The following SMARCD1 variants were observed in gnomAD, a reference collection of about 807,000 sequenced individuals.
SMARCD1 encodes SWI/SNF related BAF chromatin remodeling complex subunit D1.
In SMARCD1, 16 loss-of-function variants were observed where a neutral mutation model predicts 70.8. The ratio of observed to expected loss-of-function variants is 0.23; its 90% CI spans 0.15 to 0.34. The LOEUF (loss-of-function observed/expected upper bound fraction) is 0.34. SMARCD1 is among the 10% of genes least tolerant of loss of function. SMARCD1 has a pLI of 1.00. For synonymous variants in SMARCD1, 249 were observed against 246.0 expected (o/e 1.01, Z -0.11); for missense variants, 409 against 655.5 (o/e 0.62, Z 4.11).
At chr12:50,087,176 A>G (rs1950799494) in intron 4 of SMARCD1, among the ~76,000 whole-genome samples, 187 bp from the exon 5 acceptor site, 1 of 152,106 alleles carries the variant, frequency 6.6e-6, no homozygotes, top group African/African-American at 2.4e-5. Context: ...GCATCCCACT[A>G]TATGCACTTG....
At chr12:50,095,383 A>G (rs1168828471) in intron 10 of SMARCD1, among the ~76,000 whole-genome samples, 5 of 151,506 alleles carry the variant, frequency 3.3e-5, no homozygotes, top group African/African-American at 9.7e-5. Context: ...CTGGAGTGCA[A>G]TGGCATGATC....
intron 11 of SMARCD1, among the ~76,000 whole-genome samples, 174 bp downstream of exon 11, chr12:50,097,146 A>G (rs1592294699): frequency 6.6e-6 from 1 of 152,212 alleles, no homozygotes; most frequent in African/African-American, 2.4e-5. Flanking sequence ...AGAGCCATCA[A>G]GTGTTGATTT....
chr12:50,088,294 A>G, intron 5 of SMARCD1: 1 of 703,008 alleles, frequency 1.4e-6, no homozygotes. Flanking sequence ...GAGATGGGTA[A>G]AACAGTGACC....
Position 50,096,858 on chromosome 12 carries a change from G to C in SMARCD1, c.1278G>C (p.Glu426Asp). 1 of 1,610,226 alleles carries C rather than the reference G, an allele frequency of 6.2e-7. No homozygotes were observed. The highest frequency in any genetic ancestry group is 8.5e-7 in the Non-Finnish European group (1 of 1,176,964). Residue 426 changes from glutamate (E) to aspartate (D), a missense_variant, in exon 11 of 13, where the codon GAG becomes GAC. This residue lies in a region of SMARCD1 where 269 missense variants were observed against 498.6 expected (regional missense o/e 0.54). Transcript: ENST00000394963. ...TTCGTTCTTCCTTTCAGATCCATGA[G>C]ACAATAGAAACCATCAACCAGCTGA... ...EIATLDNKIH[E>D]TIETINQLKT...
chr12:50,087,864 A>C (rs544117235), intron 5 of SMARCD1, among the ~76,000 whole-genome samples: 1 of 150,772 alleles, frequency 6.6e-6, no homozygotes, highest in South Asian at 2.1e-4. Context: ...CTCAACTTTC[A>C]CTGGAGGCAC....
At chr12:50,097,512 G>A (rs1050101817) in intron 11 of SMARCD1, among the ~76,000 whole-genome samples, 6 of 151,306 alleles carry the variant, frequency 4.0e-5, no homozygotes, top group Admixed American at 2.6e-4. Flanking sequence ...AGATCGTGCC[G>A]CTGCACTCCA....
At chr12:50,097,316 C>T (rs757184629) in intron 11 of SMARCD1, among the ~76,000 whole-genome samples, 9 of 150,834 alleles carry the variant, frequency 6.0e-5, no homozygotes, top group East Asian at 2.0e-4. Flanking sequence ...TTTGGGAGGC[C>T]GAGGCCGACG....
In SMARCD1 at chr12:50,099,110, G is replaced by C. The variant is rs570911785; in HGVS notation, c.*110G>C. 59 of 967,288 alleles carry C rather than the reference G, an allele frequency of 6.1e-5. No homozygotes were observed. The highest frequency in any genetic ancestry group is 8.1e-5 in the Non-Finnish European group (49 of 606,758). The allele number at this position is 967,288 out of a possible 1,614,324, so 59.9% of individuals were successfully genotyped here. A position where few individuals can be genotyped will look rare whatever the true frequency, so the allele number is the denominator to read the frequency against. ...TGCTTGGGGCGTTCCAGGGGATGCTGTTGGTTCAAGGACAACACCAGAATG... is the reference window on the plus strand; with the variant it reads ...TGCTTGGGGCGTTCCAGGGGATGCTCTTGGTTCAAGGACAACACCAGAATG... On this transcript the variant is annotated 3_prime_UTR_variant, in exon 13 of 13. Transcript: ENST00000394963.
chr12:50,090,143 C>G (rs1950828101), intron 7 of SMARCD1, 98 bp from the exon 8 acceptor site: 3 of 1,402,102 alleles, frequency 2.1e-6, no homozygotes, highest in Non-Finnish European at 2.9e-6. Context: ...TTTTCTGTCC[C>G]AGAAAAAGCA....
chr12:50,094,747 C>G (rs188495614), intron 10 of SMARCD1, among the ~76,000 whole-genome samples, 175 bp downstream of exon 10: 2 of 152,300 alleles, frequency 1.3e-5, no homozygotes, highest in East Asian at 3.9e-4. Context: ...GGGATACTCT[C>G]AACAGCACTG....
At chr12:50,087,926 T>C (rs1950806287) in intron 5 of SMARCD1, among the ~76,000 whole-genome samples, 1 of 152,168 alleles carries the variant, frequency 6.6e-6, no homozygotes, top group Admixed American at 6.5e-5. Context: ...TGTTGCTTCC[T>C]GGGGAGCATC....
chr12:50,089,265 C>T (rs964624867), intron 6 of SMARCD1: 1 of 152,316 alleles, frequency 6.6e-6, no homozygotes, highest in African/African-American at 2.4e-5. Context: ...GCCCCTTAAC[C>T]TCAACCACTA....
chr12:50,092,242 T>C (rs1412159768), intron 9 of SMARCD1, among the ~76,000 whole-genome samples: 2 of 140,258 alleles, frequency 1.4e-5, no homozygotes, highest in Non-Finnish European at 3.1e-5. Context: ...TTTCTTTTTT[T>C]TTTTTTTTTT....
intron 7 of SMARCD1, 96 bp downstream of exon 7, chr12:50,090,081 C>T (rs866268132): frequency 7.5e-7 from 1 of 1,334,924 alleles, no homozygotes; most frequent in Admixed American, 1.8e-5. Flanking sequence ...GAATAATTTG[C>T]CACTTTGGCA....
In SMARCD1 at chr12:50,099,064, T is replaced by G. The variant is rs1950917195; in HGVS notation, c.*64T>G. 1 of 1,485,590 alleles carries G rather than the reference T, an allele frequency of 6.7e-7. No homozygotes were observed. Among genetic ancestry groups the G allele is most frequent in the African/African-American group, 1.4e-5 (1 of 72,200 alleles). 92.0% of individuals were successfully genotyped at this position (1,485,590 alleles called of 1,614,324 possible). On this transcript the variant is annotated 3_prime_UTR_variant, in exon 13 of 13. Transcript: ENST00000394963. Reference sequence around the variant, plus strand: ...TGATTTGGGCCCTGTGCTGCCTGCCTCATAGTATCTGCCTTGGTCTTGCTT... The same window carrying G: ...TGATTTGGGCCCTGTGCTGCCTGCCGCATAGTATCTGCCTTGGTCTTGCTT...
At chr12:50,093,430 C>A (rs1404611349) in intron 9 of SMARCD1, among the ~76,000 whole-genome samples, 1 of 151,932 alleles carries the variant, frequency 6.6e-6, no homozygotes, top group African/African-American at 2.4e-5. Flanking sequence ...TCCCAGAATG[C>A]TGGGATTACA....
chr12:50,088,810 A>G (rs138835992), intron 6 of SMARCD1, 173 bp downstream of exon 6: 7 of 407,270 alleles, frequency 1.7e-5, no homozygotes, highest in Middle Eastern at 8.5e-4. Flanking sequence ...TAGCATGTTT[A>G]GTTAGGACCA....
At chr12:50,091,353 G>A (rs1255099388) in intron 9 of SMARCD1, among the ~76,000 whole-genome samples, 3 of 150,228 alleles carry the variant, frequency 2.0e-5, no homozygotes, top group Non-Finnish European at 4.4e-5. Flanking sequence ...TTGGCTCACC[G>A]TAACCTCTGC....
rs1199008064 is a variant in SMARCD1 at position 50,085,450 on chromosome 12, C to T, written c.81C>T (p.Ala27=). Residue 27 remains alanine (A), a synonymous_variant, in exon 1 of 13, where the codon GCC becomes GCT. Coordinates refer to ENST00000394963, the MANE Select transcript of SMARCD1 (RefSeq NM_003076.5). The part of the protein sequence containing the change: ...GASGGAGAAA[A]LGPGGTPGPP... ...CAGGAGGGGCGGGCGCGGCTGCTGCCTTGGGCCCGGGCGGAACTCCGGGGC... is the reference window on the plus strand; with the variant it reads ...CAGGAGGGGCGGGCGCGGCTGCTGCTTTGGGCCCGGGCGGAACTCCGGGGC... The T allele has an allele frequency of 8.1e-7, 1 of 1,239,314 alleles. No individual in the cohort carries two copies. The allele number at this position is 1,239,314 out of a possible 1,614,324, so 76.8% of individuals were successfully genotyped here.
Sources: allele counts gnomAD v4.1 joint callset (sites outside exome capture counted in the v4.1 genomes callset), GRCh38; gene constraint gnomAD v4.1.1; regional missense constraint gnomAD v4.1.1; transcripts MANE v1.5; gene names NCBI Gene and HGNC (gene_info 2026-07-23, HGNC 2026-07-21).